The following CTNND2 variants were observed in gnomAD, a reference collection of about 807,000 sequenced individuals.
The protein encoded by CTNND2 is catenin delta 2.
Under a neutral mutation model 144.4 loss-of-function variants are expected in CTNND2, and 22 were observed. The ratio of observed to expected loss-of-function variants is 0.15; its 90% CI spans 0.11 to 0.22. The LOEUF (loss-of-function observed/expected upper bound fraction) is 0.22. Ranked by LOEUF, CTNND2 falls within the 10% of genes least tolerant of loss-of-function variation. The pLI, the probability that CTNND2 is intolerant of heterozygous loss-of-function variation, is 1.00. For missense variants in CTNND2, 1,353 were observed against 1,618.8 expected (o/e 0.84, Z 2.82); for synonymous variants, 751 against 695.6 (o/e 1.08, Z -1.25).
intron 2 of CTNND2, among the ~76,000 whole-genome samples, chr5:11,632,270 T>C (rs1485007983): frequency 1.3e-5 from 2 of 151,978 alleles, no homozygotes; most frequent in Non-Finnish European, 2.9e-5. Flanking sequence ...GGAAGATTCA[T>C]AGGGGGATGA....
chr5:11,384,988 G>C lies in CTNND2; in HGVS notation c.854C>G (p.Ser285Trp), dbSNP rs771740254. Residue 285 changes from serine (S) to tryptophan (W), a missense_variant, in exon 7 of 22, where the codon TCG (serine) becomes TGG (tryptophan). Physicochemically the swap from Ser to Trp is radical, Grantham distance 177. This residue lies in a region of CTNND2 where 708 missense variants were observed against 706.4 expected (regional missense o/e 1.00). Coordinates refer to ENST00000304623, the MANE Select transcript of CTNND2 (RefSeq NM_001332.4). This position sits in a 1 kb window ranked among gnomAD's most constrained non-coding sequence, Gnocchi z 5.2. ...GGCGTAGGTGGCGCCCTCGGGGGCC[G>C]AGCCGCCGCGCTGCAGCTTGGTGGG... ...GSPTKLQRGG[S>W]APEGATYAAP... 1.4e-5 allele frequency: 21 copies of C among 1,518,474 alleles called. No homozygotes were observed. The highest frequency in any genetic ancestry group is 1.7e-5 in the Non-Finnish European group (19 of 1,139,008). 94.1% of individuals were successfully genotyped at this position (1,518,474 alleles called of 1,614,324 possible). A position where few individuals can be genotyped will look rare whatever the true frequency, so the allele number is the denominator to read the frequency against.
intron 9 of CTNND2, among the ~76,000 whole-genome samples, chr5:11,308,550 C>A (rs553270988): frequency 6.6e-6 from 1 of 152,346 alleles, no homozygotes; most frequent in African/African-American, 2.4e-5. Context: ...GGGTTCACTT[C>A]CCCTAACGTT....
At chr5:11,258,165 G>A (rs533016322) in intron 9 of CTNND2, among the ~76,000 whole-genome samples, 10 of 152,260 alleles carry the variant, frequency 6.6e-5, no homozygotes, top group African/African-American at 2.2e-4. Context: ...ACCAATCCCA[G>A]ATATCAGAGT....
chr5:11,754,218 G>A (rs1487615793), intron 1 of CTNND2, among the ~76,000 whole-genome samples: 4 of 151,136 alleles, frequency 2.6e-5, no homozygotes, highest in Non-Finnish European at 5.9e-5. Context: ...TGCTACCTTT[G>A]GGGTTGATTT....
intron 3 of CTNND2, among the ~76,000 whole-genome samples, chr5:11,506,495 A>G (rs1313046366): frequency 6.6e-6 from 1 of 152,244 alleles, no homozygotes; most frequent in Admixed American, 6.5e-5. Flanking sequence ...CATGAGGACT[A>G]TGATGTGTAC....
intron 15 of CTNND2, among the ~76,000 whole-genome samples, chr5:11,088,011 T>C (rs1476152772): frequency 2.0e-5 from 3 of 152,192 alleles, no homozygotes; most frequent in African/African-American, 7.2e-5. Context: ...TCTCAAGCTA[T>C]CTCAAGGATT....
chr5:11,904,000 G>C lies in CTNND2; in HGVS notation c.-147C>G. ...GGCCGCGGGACAAGGGATGCTGGCG[G>C]GCGGCAGGGGCGAGCGCCGCGGGCG... On this transcript the variant is annotated 5_prime_UTR_variant, in exon 1 of 22. Transcript: ENST00000304623. This position sits in a 1 kb window ranked among gnomAD's most constrained non-coding sequence, Gnocchi z 5.4. 1.1e-6 allele frequency: 1 copy of C among 913,424 alleles called. No individual in the cohort carries two copies. Among genetic ancestry groups the C allele is most frequent in the Non-Finnish European group, 1.4e-6 (1 of 702,516 alleles). The allele number at this position is 913,424 out of a possible 1,614,324, so 56.6% of individuals were successfully genotyped here. A position where few individuals can be genotyped will look rare whatever the true frequency, so the allele number is the denominator to read the frequency against.
intron 1 of CTNND2, among the ~76,000 whole-genome samples, chr5:11,772,862 A>G (rs1790030030): frequency 1.3e-5 from 2 of 152,328 alleles, no homozygotes; most frequent in African/African-American, 4.8e-5. Context: ...TCTTCAAATA[A>G]AAGTTTTCAG....
intron 2 of CTNND2, among the ~76,000 whole-genome samples, chr5:11,567,090 A>G (rs924025316): frequency 8.6e-5 from 13 of 151,942 alleles, no homozygotes; most frequent in African/African-American, 3.1e-4. Flanking sequence ...TAACACCACC[A>G]CCACCACAAA....
chr5:11,356,178 C>T (rs1407828423), intron 8 of CTNND2, among the ~76,000 whole-genome samples: 3 of 151,524 alleles, frequency 2.0e-5, no homozygotes, highest in Non-Finnish European at 2.9e-5. Flanking sequence ...ATATTCTTCA[C>T]AGAAATAGAA....
intron 15 of CTNND2, among the ~76,000 whole-genome samples, chr5:11,097,312 C>G (rs1580275466): frequency 6.6e-6 from 1 of 152,250 alleles, no homozygotes; most frequent in Non-Finnish European, 1.5e-5. Flanking sequence ...GGATGTCTAC[C>G]TGGTGCAACT....
chr5:11,124,367 G>A (rs750296410), intron 12 of CTNND2, among the ~76,000 whole-genome samples: 2 of 152,066 alleles, frequency 1.3e-5, no homozygotes, highest in African/African-American at 2.4e-5. Flanking sequence ...TTACATCCTC[G>A]ATGGCTTGAA....
chr5:11,507,493 C>T (rs1447422042), intron 3 of CTNND2, among the ~76,000 whole-genome samples: 2 of 152,118 alleles, frequency 1.3e-5, no homozygotes, highest in Admixed American at 1.3e-4. Context: ...CTCCTTCCTC[C>T]GTTGCATAAG....
chr5:11,241,337 C>T (rs1233924968), intron 9 of CTNND2, among the ~76,000 whole-genome samples: 1 of 152,188 alleles, frequency 6.6e-6, no homozygotes. Flanking sequence ...TGGGGAGCAA[C>T]TCTGGGGCAC....
At chr5:11,726,290 T>C (rs1295299410) in intron 2 of CTNND2, among the ~76,000 whole-genome samples, 1 of 152,124 alleles carries the variant, frequency 6.6e-6, no homozygotes, top group African/African-American at 2.4e-5. Flanking sequence ...ATTAGAAACA[T>C]GTTTGAAATA....
chr5:11,015,815 C>A (rs887938930), intron 18 of CTNND2, among the ~76,000 whole-genome samples: 2 of 152,182 alleles, frequency 1.3e-5, no homozygotes, highest in Non-Finnish European at 2.9e-5. Flanking sequence ...ATACCATGTT[C>A]CTCATTTCTG....
At chr5:11,314,320 G>T (rs911715494) in intron 9 of CTNND2, among the ~76,000 whole-genome samples, 1 of 152,098 alleles carries the variant, frequency 6.6e-6, no homozygotes, top group Admixed American at 6.5e-5. Flanking sequence ...CTGCTCCCAA[G>T]TCAGACTCAA....
At chr5:11,426,798 A>G (rs1287476297) in intron 3 of CTNND2, among the ~76,000 whole-genome samples, 1 of 152,236 alleles carries the variant, frequency 6.6e-6, no homozygotes, top group Non-Finnish European at 1.5e-5. Flanking sequence ...TACTCAGGTT[A>G]GCCAATCAGT....
chr5:11,680,948 G>A (rs1472773889), intron 2 of CTNND2, among the ~76,000 whole-genome samples: 1 of 152,166 alleles, frequency 6.6e-6, no homozygotes, highest in African/African-American at 2.4e-5. Flanking sequence ...CTCAGTTCTG[G>A]ACATGTCGAG....
Sources: allele counts gnomAD v4.1 joint callset (sites outside exome capture counted in the v4.1 genomes callset), GRCh38; gene constraint gnomAD v4.1.1; regional missense constraint gnomAD v4.1.1; non-coding constraint Gnocchi (gnomAD v3.1); transcripts MANE v1.5; gene names NCBI Gene and HGNC (gene_info 2026-07-23, HGNC 2026-07-21).